ITGBL1: variants seen among roughly 807,000 people sequenced by gnomAD.
ITGBL1 encodes integrin beta-like protein 1.
Under a neutral mutation model 68.5 loss-of-function variants are expected in ITGBL1, and 51 were observed. The observed-to-expected ratio is 0.74, with a 90% confidence interval of 0.59 to 0.94. ITGBL1 has a LOEUF of 0.94. Among genes scored for constraint, ITGBL1 ranks in the 40% least tolerant of loss-of-function variants. The probability of loss-of-function intolerance (pLI) is 0.00; values close to 1 mark genes in which losing one functional copy is unlikely to be tolerated. For synonymous variants in ITGBL1, 209 were observed against 227.3 expected, an observed-to-expected ratio of 0.92 and a Z score of 0.72; for missense variants, 649 against 647.4, an observed-to-expected ratio of 1.00 and a Z score of -0.03.
chr13:101,476,020 T>TG (rs2048531679), intron 2 of ITGBL1, among the ~76,000 whole-genome samples: 2 of 152,058 alleles, frequency 1.3e-5, no homozygotes, highest in South Asian at 4.1e-4. Flanking sequence ...CAAAACTCTC[T>TG]GGTAATAGTA....
intron 7 of ITGBL1, among the ~76,000 whole-genome samples, chr13:101,633,232 A>G (rs2032047222): frequency 6.6e-6 from 1 of 152,222 alleles, no homozygotes; most frequent in Non-Finnish European, 1.5e-5. Context: ...AGGCACCTCC[A>G]TAATGAATGT....
chr13:101,719,839 A>ACTT (rs1470146101), downstream of ITGBL1: 8 of 151,592 alleles, frequency 5.3e-5, no homozygotes, highest in Non-Finnish European at 1.2e-4. Context: ...TGCACTTCTT[A>ACTT]CTTAATAACA....
intron 7 of ITGBL1, among the ~76,000 whole-genome samples, chr13:101,610,861 G>T (rs1375689987): frequency 6.6e-6 from 1 of 152,156 alleles, no homozygotes; most frequent in Non-Finnish European, 1.5e-5. Context: ...CTCAATTTGT[G>T]TGCAAATATG....
intron 2 of ITGBL1, among the ~76,000 whole-genome samples, chr13:101,541,867 T>C (rs577748755): frequency 1.3e-5 from 2 of 152,334 alleles, no homozygotes; most frequent in East Asian, 3.9e-4. Flanking sequence ...TATTCTCTGA[T>C]GGTAGTTTGT....
At chr13:101,482,252 C>T (rs1003163784) in intron 2 of ITGBL1, among the ~76,000 whole-genome samples, 2 of 151,724 alleles carry the variant, frequency 1.3e-5, no homozygotes, top group African/African-American at 2.4e-5. Flanking sequence ...AGCCATTTCT[C>T]ATTAGGACTG....
intron 7 of ITGBL1, among the ~76,000 whole-genome samples, chr13:101,603,708 T>C (rs1193708933): frequency 1.3e-5 from 2 of 151,898 alleles, no homozygotes; most frequent in Non-Finnish European, 2.9e-5. Flanking sequence ...AATGTGTGTG[T>C]ATTTTCAAAA....
chr13:101,559,195 A>G (rs2050060851), intron 2 of ITGBL1, among the ~76,000 whole-genome samples: 1 of 152,198 alleles, frequency 6.6e-6, no homozygotes, highest in African/African-American at 2.4e-5. Flanking sequence ...GTAGCAAACA[A>G]GATCTGATCA....
intron 2 of ITGBL1, among the ~76,000 whole-genome samples, chr13:101,515,629 G>A (rs1319013963): frequency 6.6e-6 from 1 of 151,998 alleles, no homozygotes; most frequent in Non-Finnish European, 1.5e-5. Flanking sequence ...TACTGACCAG[G>A]TGCTGACCAA....
intron 2 of ITGBL1, among the ~76,000 whole-genome samples, chr13:101,550,188 C>T (rs1024181664): frequency 6.6e-6 from 1 of 152,104 alleles, no homozygotes; most frequent in Non-Finnish European, 1.5e-5. Context: ...TCAACATAGG[C>T]CCTGACTAAT....
At chr13:101,689,390 A>T (rs565485193) in intron 7 of ITGBL1, among the ~76,000 whole-genome samples, 4 of 152,106 alleles carry the variant, frequency 2.6e-5, no homozygotes, top group African/African-American at 9.6e-5. Flanking sequence ...ACTGAAACAA[A>T]ATTGGTAGTG....
chr13:101,487,216 A>C (rs373041264), intron 2 of ITGBL1, among the ~76,000 whole-genome samples: 2 of 152,172 alleles, frequency 1.3e-5, no homozygotes, highest in African/African-American at 4.8e-5. Context: ...GATCCTGTCA[A>C]ATTGCTCAGG....
chr13:101,500,482 T>C (rs1056339861), intron 2 of ITGBL1, among the ~76,000 whole-genome samples: 2 of 152,226 alleles, frequency 1.3e-5, no homozygotes, highest in Non-Finnish European at 2.9e-5. Flanking sequence ...TTTCTGAATA[T>C]TAACCAACTG....
chr13:101,599,316 A>T (rs368171148), intron 7 of ITGBL1, among the ~76,000 whole-genome samples: 6 of 151,064 alleles, frequency 4.0e-5, no homozygotes, highest in Non-Finnish European at 5.9e-5. Flanking sequence ...GTTTGAGTTC[A>T]TTGTAGATTC....
chr13:101,632,447 T>C (rs2032018200), intron 7 of ITGBL1, among the ~76,000 whole-genome samples: 1 of 152,202 alleles, frequency 6.6e-6, no homozygotes, highest in South Asian at 2.1e-4. Context: ...CTCTCATACA[T>C]TGCTGTTGGG....
At chr13:101,680,635 A>G (rs2033619417) in intron 7 of ITGBL1, among the ~76,000 whole-genome samples, 1 of 152,070 alleles carries the variant, frequency 6.6e-6, no homozygotes, top group Non-Finnish European at 1.5e-5. Flanking sequence ...ACTTATTAAA[A>G]TATGATAATA....
chr13:101,625,855 G>A (rs1169119942), intron 7 of ITGBL1, among the ~76,000 whole-genome samples: 5 of 152,112 alleles, frequency 3.3e-5, no homozygotes, highest in African/African-American at 4.8e-5. Context: ...CACCCGGCCA[G>A]TAATGGCTAA....
At chr13:101,688,511 T>G (rs9513939) in intron 7 of ITGBL1, among the ~76,000 whole-genome samples, 117,060 of 152,094 alleles carry the variant, frequency 0.77, 45,418 homozygotes, top group East Asian at 0.96. Context: ...ACTTGAAAAG[T>G]TTAAGTTGGA....
At chr13:101,633,823 T>C (rs2032073033) in intron 7 of ITGBL1, among the ~76,000 whole-genome samples, 1 of 152,154 alleles carries the variant, frequency 6.6e-6, no homozygotes, top group Non-Finnish European at 1.5e-5. Context: ...GTGTCAGGTA[T>C]TGGGATAGGC....
chr13:101,719,161 A>C (rs1014848323), downstream of ITGBL1: 2 of 152,166 alleles, frequency 1.3e-5, no homozygotes, highest in African/African-American at 4.8e-5. Context: ...ATTTTAAATG[A>C]AGTGATACGT....
Sources: gnomAD v4.1 joint callset for allele counts (sites outside exome capture counted in the v4.1 genomes callset) on GRCh38, gnomAD v4.1.1 for gene constraint, MANE v1.5 for transcripts, NCBI Gene and HGNC (gene_info 2026-07-23, HGNC 2026-07-21) for gene names.